The following LRRTM4 variants were observed in gnomAD, a reference collection of about 807,000 sequenced individuals.
LRRTM4 encodes leucine rich repeat transmembrane neuronal 4.
Under a neutral mutation model 47.6 loss-of-function variants are expected in LRRTM4, and 25 were observed. The observed-to-expected ratio is 0.53, with a 90% CI of 0.38 to 0.73. LRRTM4 has a LOEUF of 0.73. Among genes scored for constraint, LRRTM4 ranks in the 30% least tolerant of loss-of-function variants. The probability of loss-of-function intolerance (pLI) is 0.00; values close to 1 mark genes in which losing one functional copy is unlikely to be tolerated. For missense variants in LRRTM4, 638 were observed against 713.4 expected (o/e 0.89, Z 1.20); for synonymous variants, 311 against 269.5 (o/e 1.15, Z -1.51).
chr2:76,973,500 G>A (rs545207146), intron 3 of LRRTM4, among the ~76,000 whole-genome samples: 1 of 151,868 alleles, frequency 6.6e-6, no homozygotes, highest in African/African-American at 2.4e-5. Context: ...TTTTCCCATT[G>A]TCTAAAGTTT....
intron 3 of LRRTM4, among the ~76,000 whole-genome samples, chr2:77,218,667 C>G (rs939874176): frequency 6.6e-6 from 1 of 152,088 alleles, no homozygotes; most frequent in Non-Finnish European, 1.5e-5. Context: ...AGACTATGAT[C>G]CTTCCTTGGT....
intron 3 of LRRTM4, among the ~76,000 whole-genome samples, chr2:77,197,493 A>G (rs921682345): frequency 2.6e-5 from 4 of 152,168 alleles, no homozygotes; most frequent in Non-Finnish European, 4.4e-5. Context: ...TTATTAGACA[A>G]AGAAAAAGTA....
intron 3 of LRRTM4, among the ~76,000 whole-genome samples, chr2:76,979,696 C>CGATAGATAGATAGATAGATAGATAGATA (rs71376811): frequency 2.8e-3 from 416 of 146,540 alleles, no homozygotes; most frequent in African/African-American, 6.2e-3. Flanking sequence ...AGAGTATAAG[C>CGATAGATAGATAGATAGATAGATAGATA]GATAGATAGA....
intron 3 of LRRTM4, among the ~76,000 whole-genome samples, chr2:76,955,027 CA>C (rs1356158883): frequency 6.6e-6 from 1 of 151,700 alleles, no homozygotes; most frequent in Non-Finnish European, 1.5e-5. Context: ...TCCAGGAAAA[CA>C]AAAGCTGCAG....
At chr2:77,509,309 A>T (rs531659590) in intron 3 of LRRTM4, among the ~76,000 whole-genome samples, 1 of 152,056 alleles carries the variant, frequency 6.6e-6, no homozygotes, top group East Asian at 1.9e-4. Context: ...GATATCTGAT[A>T]AGATAGGGAA....
chr2:77,138,713 G>T (rs937672019), intron 3 of LRRTM4, among the ~76,000 whole-genome samples: 1 of 151,912 alleles, frequency 6.6e-6, no homozygotes, highest in African/African-American at 2.4e-5. Flanking sequence ...CAACAAAATT[G>T]ATAGACCACT....
At chr2:76,981,870 T>C (rs1164350819) in intron 3 of LRRTM4, among the ~76,000 whole-genome samples, 1 of 152,010 alleles carries the variant, frequency 6.6e-6, no homozygotes, top group Non-Finnish European at 1.5e-5. Context: ...ATGAGTTTTG[T>C]TTTAAACATT....
At chr2:77,273,183 AT>A (rs1421993832) in intron 3 of LRRTM4, among the ~76,000 whole-genome samples, 2 of 152,082 alleles carry the variant, frequency 1.3e-5, no homozygotes, top group African/African-American at 4.8e-5. Flanking sequence ...AAGTTGCTAC[AT>A]TTTTTTCTGT....
At chr2:77,260,374 C>CGTGT (rs58758948) in intron 3 of LRRTM4, among the ~76,000 whole-genome samples, 7,392 of 140,384 alleles carry the variant, frequency 0.053, 228 homozygotes, top group Admixed American at 0.099. Context: ...ACCAAAAAAT[C>CGTGT]GTGTGTGTGT....
At chr2:77,135,718 T>G (rs913150747) in intron 3 of LRRTM4, among the ~76,000 whole-genome samples, 3 of 152,152 alleles carry the variant, frequency 2.0e-5, no homozygotes, top group African/African-American at 7.2e-5. Flanking sequence ...GTTGTGAATG[T>G]TCTTGAATTT....
chr2:76,780,717 G>A (rs1674328523), intron 3 of LRRTM4, among the ~76,000 whole-genome samples: 1 of 152,106 alleles, frequency 6.6e-6, no homozygotes, highest in African/African-American at 2.4e-5. Flanking sequence ...TCCTCCCGTA[G>A]CTCAGAGTAA....
chr2:76,868,949 C>A (rs540096912), intron 3 of LRRTM4, among the ~76,000 whole-genome samples: 2 of 152,164 alleles, frequency 1.3e-5, no homozygotes, highest in African/African-American at 4.8e-5. Flanking sequence ...TTACTTAACA[C>A]GATAGCATGT....
intron 3 of LRRTM4, among the ~76,000 whole-genome samples, chr2:77,010,712 T>G (rs1677841057): frequency 6.6e-6 from 1 of 152,092 alleles, no homozygotes; most frequent in Non-Finnish European, 1.5e-5. Flanking sequence ...TGCCTTCTTT[T>G]CTCTGCCCAG....
chr2:76,871,419 A>G (rs1672620576), intron 3 of LRRTM4, among the ~76,000 whole-genome samples: 1 of 152,208 alleles, frequency 6.6e-6, no homozygotes, highest in Non-Finnish European at 1.5e-5. Context: ...TCAACTAGTA[A>G]CTAATATAGC....
At chr2:77,460,021 G>A (rs149183375) in intron 3 of LRRTM4, among the ~76,000 whole-genome samples, 81 of 151,946 alleles carry the variant, frequency 5.3e-4, no homozygotes, top group African/African-American at 1.8e-3. Flanking sequence ...AAATTACTAC[G>A]TTTCTCTTTC....
intron 3 of LRRTM4, among the ~76,000 whole-genome samples, chr2:77,256,219 C>A (rs1422498174): frequency 1.3e-5 from 2 of 151,922 alleles, no homozygotes; most frequent in African/African-American, 4.8e-5. Context: ...CACTACTCGG[C>A]CAATTTGAAA....
chr2:77,194,535 C>T (rs1673760471), intron 3 of LRRTM4, among the ~76,000 whole-genome samples: 1 of 152,146 alleles, frequency 6.6e-6, no homozygotes, highest in Non-Finnish European at 1.5e-5. Flanking sequence ...TCAAAAATCT[C>T]TAGAAGTTTC....
intron 3 of LRRTM4, among the ~76,000 whole-genome samples, chr2:76,786,473 AC>A (rs1327203713): frequency 2.6e-5 from 4 of 152,258 alleles, no homozygotes; most frequent in South Asian, 2.1e-4. Flanking sequence ...CTCTAAAAAA[AC>A]AGTAGTTATA....
chr2:77,095,326 T>C (rs1471514971), intron 3 of LRRTM4, among the ~76,000 whole-genome samples: 1 of 152,078 alleles, frequency 6.6e-6, no homozygotes, highest in Non-Finnish European at 1.5e-5. Flanking sequence ...AGTACAGCCA[T>C]TGTGGAATAT....
Sources: allele counts gnomAD v4.1 joint callset (sites outside exome capture counted in the v4.1 genomes callset), GRCh38; gene constraint gnomAD v4.1.1; transcripts MANE v1.5; gene names NCBI Gene and HGNC (gene_info 2026-07-23, HGNC 2026-07-21).